The following SCGN variants were observed in gnomAD, a reference collection of about 807,000 sequenced individuals.
The protein encoded by SCGN is secretagogin, EF-hand calcium binding protein, also known as secretagogin.
Under a neutral mutation model 39.7 loss-of-function variants are expected in SCGN, and 30 were observed. The ratio of observed to expected loss-of-function variants is 0.76; its 90% CI spans 0.57 to 1.03. The LOEUF (loss-of-function observed/expected upper bound fraction) is 1.03. SCGN is among the 50% of genes least tolerant of loss of function. The pLI is 0.00. For synonymous variants in SCGN, 106 were observed against 114.1 expected, an observed-to-expected ratio of 0.93 and a Z score of 0.45; for missense variants, 353 against 349.4, an observed-to-expected ratio of 1.01 and a Z score of -0.08.
chr6:25,689,125 T>G, intron 7 of SCGN, 47 bp from the exon 8 acceptor site: 1 of 1,377,424 alleles, frequency 7.3e-7, no homozygotes, highest in Non-Finnish European at 1.0e-6. Context: ...TTCGTATAAC[T>G]GAGAGCTGAA....
chr6:25,672,365 G>A (rs953933734), intron 6 of SCGN, among the ~76,000 whole-genome samples: 1 of 152,214 alleles, frequency 6.6e-6, no homozygotes, highest in Admixed American at 6.5e-5. Flanking sequence ...TTGCATAACA[G>A]AGGGTGATGA....
chr6:25,701,329 C>T lies in SCGN; in HGVS notation c.825C>T (p.Asn275=). 1 of 1,611,644 alleles carries T rather than the reference C, an allele frequency of 6.2e-7. No homozygotes were observed. Among genetic ancestry groups the T allele is most frequent in the South Asian group, 1.1e-5 (1 of 90,426 alleles). ...ELALCLGLKI[N]P ...CTTTGTGTCTTGGGCTGAAAATCAA[C>T]CCATAATCCCAGACTGCTTTGCCTT... is the stretch of plus-strand genomic sequence containing the variant. Residue 275 remains asparagine, a synonymous_variant, in exon 11 of 11, where the codon AAC becomes AAT. Transcript: ENST00000377961.
intron 6 of SCGN, among the ~76,000 whole-genome samples, chr6:25,674,119 A>G (rs1306566547): frequency 6.6e-6 from 1 of 152,212 alleles, no homozygotes; most frequent in Non-Finnish European, 1.5e-5. Context: ...ATCACCTCCC[A>G]TCAGGCCCCA....
At chr6:25,669,391 T>A (rs1222159207) in intron 4 of SCGN, 120 bp from the exon 5 acceptor site, 1 of 863,122 alleles carries the variant, frequency 1.2e-6, no homozygotes, top group African/African-American at 1.7e-5. Flanking sequence ...AAAGTTTCCA[T>A]CAAAAGTGGA....
At chr6:25,653,738 T>G (rs771415500) in intron 2 of SCGN, among the ~76,000 whole-genome samples, 1 of 152,234 alleles carries the variant, frequency 6.6e-6, no homozygotes. Flanking sequence ...GTCTCCTTGG[T>G]TATGTCTCTG....
At chr6:25,663,661 T>G (rs1760378837) in intron 3 of SCGN, among the ~76,000 whole-genome samples, 1 of 152,202 alleles carries the variant, frequency 6.6e-6, no homozygotes, top group African/African-American at 2.4e-5. Flanking sequence ...AAATTTAATT[T>G]CACTCTAAAG....
At chr6:25,663,820 A>G (rs1486204856) in intron 3 of SCGN, among the ~76,000 whole-genome samples, 1 of 152,198 alleles carries the variant, frequency 6.6e-6, no homozygotes, top group Admixed American at 6.5e-5. Flanking sequence ...AACATCTGAT[A>G]GTTATTGTTA....
At chr6:25,683,719 C>T (rs934518010) in intron 7 of SCGN, among the ~76,000 whole-genome samples, 3 of 152,164 alleles carry the variant, frequency 2.0e-5, no homozygotes, top group African/African-American at 7.2e-5. Flanking sequence ...TGGGGCAGCT[C>T]AGATGCCGAC....
chr6:25,663,703 T>C (rs1246799312), intron 3 of SCGN, among the ~76,000 whole-genome samples: 3 of 152,138 alleles, frequency 2.0e-5, no homozygotes, highest in East Asian at 1.9e-4. Flanking sequence ...CTGCCTCCCA[T>C]TGATAAAAAG....
chr6:25,661,141 C>T (rs1263328331), intron 2 of SCGN, among the ~76,000 whole-genome samples: 9 of 152,122 alleles, frequency 5.9e-5, no homozygotes, highest in Non-Finnish European at 1.3e-4. Context: ...GTTACAGACA[C>T]CTGGGGGCCC....
intron 7 of SCGN, among the ~76,000 whole-genome samples, chr6:25,682,296 C>T (rs1319559917): frequency 6.6e-6 from 1 of 152,192 alleles, no homozygotes; most frequent in Non-Finnish European, 1.5e-5. Context: ...TATAGTCCCA[C>T]ATTGTGACTT....
intron 10 of SCGN, among the ~76,000 whole-genome samples, chr6:25,699,586 T>A (rs1302514537): frequency 1.8e-5 from 2 of 114,228 alleles, no homozygotes; most frequent in African/African-American, 3.7e-5. Context: ...TGAAACTCTG[T>A]CTCAAAAAAA....
intron 4 of SCGN, 64 bp downstream of exon 4, chr6:25,665,096 C>T: frequency 8.2e-7 from 1 of 1,226,928 alleles, no homozygotes. Flanking sequence ...TCTTAGCCAC[C>T]TGCTGTGGCT....
At chr6:25,690,404 T>A (rs1310623250) in intron 9 of SCGN, among the ~76,000 whole-genome samples, 2 of 152,196 alleles carry the variant, frequency 1.3e-5, no homozygotes, top group Non-Finnish European at 2.9e-5. Flanking sequence ...GTAAATACAC[T>A]AAGGGAATGG....
chr6:25,689,338 C>T, intron 8 of SCGN, 121 bp downstream of exon 8: 1 of 1,140,852 alleles, frequency 8.8e-7, no homozygotes, highest in Non-Finnish European at 1.3e-6. Context: ...AGAAAACAGA[C>T]AAGGATCAGC....
chr6:25,684,766 C>T (rs530421882), intron 7 of SCGN, among the ~76,000 whole-genome samples: 3 of 151,966 alleles, frequency 2.0e-5, no homozygotes, highest in Non-Finnish European at 4.4e-5. Context: ...GCCAAGATTG[C>T]GTCACAGTAC....
chr6:25,665,293 A>G (rs1444158590), intron 4 of SCGN, among the ~76,000 whole-genome samples: 1 of 152,160 alleles, frequency 6.6e-6, no homozygotes, highest in Non-Finnish European at 1.5e-5. Context: ...GAGGCCAGGC[A>G]GGTACACTGA....
At chr6:25,659,391 G>A (rs529209498) in intron 2 of SCGN, among the ~76,000 whole-genome samples, 5 of 152,232 alleles carry the variant, frequency 3.3e-5, no homozygotes, top group African/African-American at 7.2e-5. Flanking sequence ...AACAAGGTGC[G>A]GTGGAAAGTG....
At chr6:25,698,667 G>A (rs1051957363) in intron 10 of SCGN, among the ~76,000 whole-genome samples, 1 of 152,174 alleles carries the variant, frequency 6.6e-6, no homozygotes, top group Non-Finnish European at 1.5e-5. Flanking sequence ...ATACTTGCCT[G>A]GTACTGGCAG....
Sources: gnomAD v4.1 joint callset for allele counts (sites outside exome capture counted in the v4.1 genomes callset) on GRCh38, gnomAD v4.1.1 for gene constraint, MANE v1.5 for transcripts, NCBI Gene and HGNC (gene_info 2026-07-23, HGNC 2026-07-21) for gene names.